The following UXS1 variants were observed in gnomAD, a reference collection of about 807,000 sequenced individuals.
UXS1 encodes the protein UDP-glucuronic acid decarboxylase 1.
A neutral mutation model predicts 62.6 loss-of-function variants in UXS1; 33 were observed. The observed-to-expected ratio is 0.53, with a 90% CI of 0.40 to 0.70. UXS1 has a LOEUF of 0.70. UXS1 is among the 30% of genes least tolerant of loss of function. The pLI is 0.00. For missense variants in UXS1, 434 were observed against 556.3 expected (o/e 0.78, Z 2.21); for synonymous variants, 213 against 206.8 (o/e 1.03, Z -0.26).
In UXS1 at chr2:106,125,501, C is replaced by A. The variant is rs79661195; in HGVS notation, c.637+119G>T. On this transcript the variant is annotated intron_variant, in intron 8 of 14. Coordinates refer to ENST00000283148, the MANE Select transcript of UXS1 (RefSeq NM_001253875.2). ...GGAGGCCGACAGGTAGCCTCCTGTGCACAAGAGGAGCATGGGCAGGCTGGG... is the reference window on the plus strand; with the variant it reads ...GGAGGCCGACAGGTAGCCTCCTGTGAACAAGAGGAGCATGGGCAGGCTGGG... The A allele has an allele frequency of 0.014, 13,078 of 966,876 alleles. 785 individuals carry two copies. In the East Asian group the frequency reaches 0.18, roughly 13 times the overall value. 59.9% of individuals were successfully genotyped at this position (966,876 alleles called of 1,614,324 possible). A position where few individuals can be genotyped will look rare whatever the true frequency, so the allele number is the denominator to read the frequency against.
At chr2:106,146,794 A>G (rs1244203132) in intron 5 of UXS1, among the ~76,000 whole-genome samples, 1 of 147,566 alleles carries the variant, frequency 6.8e-6, no homozygotes, top group African/African-American at 2.5e-5. Context: ...AAAAAAAAAA[A>G]AAGAAGCCAT....
chr2:106,138,113 T>G, intron 6 of UXS1: 1 of 939,658 alleles, frequency 1.1e-6, no homozygotes, highest in South Asian at 4.9e-5. Flanking sequence ...GGAAGAAGTG[T>G]GCCTTGAGAG....
At chr2:106,112,550 T>A (rs1182924747) in intron 10 of UXS1, 96 bp downstream of exon 10, 2 of 1,516,002 alleles carry the variant, frequency 1.3e-6, no homozygotes, top group South Asian at 1.3e-5. Flanking sequence ...TTCAGAAGTG[T>A]CACTCCCTGA....
chr2:106,182,102 AAAAG>A (rs1349595761), intron 1 of UXS1, among the ~76,000 whole-genome samples: 9 of 152,244 alleles, frequency 5.9e-5, no homozygotes, highest in Non-Finnish European at 1.0e-4. Flanking sequence ...TACACTTCAC[AAAAG>A]AAAGAAATTA....
At chr2:106,164,354 G>A (rs1159916418) in intron 3 of UXS1, among the ~76,000 whole-genome samples, 3 of 152,242 alleles carry the variant, frequency 2.0e-5, no homozygotes, top group East Asian at 1.9e-4. Flanking sequence ...GGTGTGCAAC[G>A]TCTCCATCTG....
chr2:106,097,300 G>A (rs182976425), intron 13 of UXS1: 55 of 439,848 alleles, frequency 1.3e-4, no homozygotes, highest in Non-Finnish European at 2.3e-4. Flanking sequence ...CCACCCAGCT[G>A]GAGGGACCTC....
At chr2:106,118,634 G>GA (rs902472745) in intron 9 of UXS1, among the ~76,000 whole-genome samples, 2 of 151,646 alleles carry the variant, frequency 1.3e-5, no homozygotes, top group Admixed American at 6.6e-5. Flanking sequence ...TCCATCCCAC[G>GA]AAAAAAAATT....
intron 14 of UXS1, 36 bp downstream of exon 14, chr2:106,096,682 C>T (rs1432444995): frequency 6.6e-7 from 1 of 1,520,216 alleles, no homozygotes. Flanking sequence ...ACGGGAGGCC[C>T]CTCCCCACAA....
intron 6 of UXS1, among the ~76,000 whole-genome samples, chr2:106,141,616 C>T (rs1276557423): frequency 6.6e-6 from 1 of 151,932 alleles, no homozygotes; most frequent in Non-Finnish European, 1.5e-5. Flanking sequence ...TGCCACCATG[C>T]CTGGGTAATT....
At chr2:106,153,404 C>T (rs1226427842) in intron 5 of UXS1, among the ~76,000 whole-genome samples, 1 of 152,128 alleles carries the variant, frequency 6.6e-6, no homozygotes, top group African/African-American at 2.4e-5. Flanking sequence ...CCTGTTAGAC[C>T]CACCATCATC....
At chr2:106,125,258 C>A (rs1679837649) in intron 8 of UXS1, among the ~76,000 whole-genome samples, 2 of 152,184 alleles carry the variant, frequency 1.3e-5, no homozygotes. Flanking sequence ...GTCAGGCATG[C>A]AGCATGCATG....
rs1677332894 is a variant in UXS1, at chr2:106,098,747, T to C, written c.1011A>G (p.Leu337=). 1 of 1,612,096 alleles carries C rather than the reference T, an allele frequency of 6.2e-7. No homozygotes were observed. Among genetic ancestry groups the C allele is most frequent in the Non-Finnish European group, 8.5e-7 (1 of 1,179,076 alleles). ...NLGNPEEHTI[L]EFAQLIKNLV... ...GGTTTTTAATTAACTGAGCAAATTC[T>C]AGGATTGTGTGTTCTTCTGGGTTCC... Residue 337 remains leucine (L), a synonymous_variant, in exon 13 of 15, where the codon CTA becomes CTG. Coordinates refer to ENST00000283148, the MANE Select transcript of UXS1 (RefSeq NM_001253875.2).
In UXS1 at chr2:106,125,638, T is replaced by C; in HGVS notation, c.619A>G (p.Thr207Ala). Reference protein sequence around the residue: ...RVGARLLLASTSEVYGDPEVH... With the variant: ...RVGARLLLASASEVYGDPEVH... ...TACTCACCTCCATACACCTCCGATG[T>C]GGAGGCCAGGAGCAGACGGGCACCG... Residue 207 changes from threonine (T) to alanine (A), a missense_variant, in exon 8 of 15, where the codon ACA becomes GCA. Transcript: ENST00000283148. 6.3e-7 allele frequency: 1 copy of C among 1,579,130 alleles called. No individual in the cohort carries two copies. The highest frequency in any genetic ancestry group is 1.2e-5 in the South Asian group (1 of 85,540).
Position 106,145,190 on chromosome 2 carries a change from C to T in UXS1, c.472G>A (p.Val158Ile), listed in dbSNP as rs1193559229. The T allele has an allele frequency of 6.2e-7, 1 of 1,612,340 alleles. No homozygotes were observed. Among genetic ancestry groups the T allele is most frequent in the Admixed American group, 1.7e-5 (1 of 59,836 alleles). ...HDVVEPLYIE[V>I]DQIYHLASPA... ...ATAACAATGTGCAGTTTTCACTCACCCTCGATGTAGAGGGGCTCCACCACG... is the reference window on the plus strand; with the variant it reads ...ATAACAATGTGCAGTTTTCACTCACTCTCGATGTAGAGGGGCTCCACCACG... The change falls in exon 6 of 15, where the codon GTT (valine) becomes ATT (isoleucine). Residue 158 changes from valine (V) to isoleucine (I), a missense_variant and splice_region_variant. By Grantham distance (29) the Val-to-Ile change is conservative (BLOSUM62 3). Around this residue, in one of 3 missense-constraint regions of UXS1, gnomAD observed 134 missense variants for 251.9 expected, o/e 0.53. Transcript: ENST00000283148.
chr2:106,103,649 A>G (rs1345206307), intron 11 of UXS1, among the ~76,000 whole-genome samples: 3 of 152,178 alleles, frequency 2.0e-5, no homozygotes, highest in Non-Finnish European at 4.4e-5. Flanking sequence ...TAGAATATGC[A>G]TGCCTATTTG....
intron 1 of UXS1, among the ~76,000 whole-genome samples, chr2:106,168,856 C>T (rs1683368940): frequency 1.3e-5 from 2 of 152,106 alleles, no homozygotes; most frequent in South Asian, 2.1e-4. Flanking sequence ...AGTATATATA[C>T]AGTGTGACTC....
chr2:106,128,090 C>T (rs561273530), intron 7 of UXS1, among the ~76,000 whole-genome samples: 154 of 152,238 alleles, frequency 1.0e-3, no homozygotes, highest in African/African-American at 3.5e-3. Context: ...GAAGAATAAA[C>T]GGAATCTCCC....
chr2:106,164,857 T>G, intron 2 of UXS1, 58 bp from the exon 3 acceptor site: 1 of 1,371,340 alleles, frequency 7.3e-7, no homozygotes, highest in Non-Finnish European at 9.9e-7. Flanking sequence ...TCTGAATAAA[T>G]TACCCTAACA....
At chr2:106,151,983 A>G (rs1290733450) in intron 5 of UXS1, among the ~76,000 whole-genome samples, 2 of 152,226 alleles carry the variant, frequency 1.3e-5, no homozygotes. Context: ...GTGATGGGTA[A>G]AAGAACAAAA....
Sources: allele counts gnomAD v4.1 joint callset (sites outside exome capture counted in the v4.1 genomes callset), GRCh38; gene constraint gnomAD v4.1.1; regional missense constraint gnomAD v4.1.1; transcripts MANE v1.5; gene names NCBI Gene and HGNC (gene_info 2026-07-23, HGNC 2026-07-21).